Variants in ATP13A5 observed in about 807,000 individuals in gnomAD.
The protein encoded by ATP13A5 is ATPase 13A5.
ATP13A5 carries 149 observed loss-of-function variants against 150.2 expected under a neutral mutation model. The ratio of observed to expected loss-of-function variants is 0.99; its 90% confidence interval spans 0.87 to 1.14. The LOEUF (loss-of-function observed/expected upper bound fraction) is 1.14, where lower values mean the gene tolerates loss of function less well. Among genes scored for constraint, ATP13A5 ranks in the 50% most tolerant of loss-of-function variants. The pLI, the probability that ATP13A5 is intolerant of heterozygous loss-of-function variation, is 0.00. For missense variants in ATP13A5, 1,383 were observed against 1,449.3 expected (o/e 0.95, Z 0.74); for synonymous variants, 497 against 522.2 (o/e 0.95, Z 0.66).
intron 13 of ATP13A5, among the ~76,000 whole-genome samples, chr3:193,325,754 TTTTCTC>T (rs1357641705): frequency 1.3e-5 from 2 of 152,222 alleles, no homozygotes; most frequent in African/African-American, 4.8e-5. Context: ...TAAAGCCTGT[TTTTCTC>T]TTTGATAATA....
intron 9 of ATP13A5, among the ~76,000 whole-genome samples, chr3:193,338,612 A>C (rs1242956522): frequency 6.6e-6 from 1 of 152,036 alleles, no homozygotes; most frequent in Admixed American, 6.6e-5. Flanking sequence ...AAGCTTTTTG[A>C]TGTGCTGCTG....
chr3:193,367,572 A>G (rs940317143), intron 1 of ATP13A5, among the ~76,000 whole-genome samples: 3 of 152,156 alleles, frequency 2.0e-5, no homozygotes, highest in Admixed American at 6.5e-5. Context: ...CATAGATAAA[A>G]TAATTCTAAA....
intron 5 of ATP13A5, among the ~76,000 whole-genome samples, chr3:193,358,330 C>A (rs1038400912): frequency 6.6e-6 from 1 of 152,184 alleles, no homozygotes; most frequent in Non-Finnish European, 1.5e-5. Flanking sequence ...CCCTAACACT[C>A]TTGTTTTATA....
intron 1 of ATP13A5, among the ~76,000 whole-genome samples, chr3:193,366,614 T>A (rs546387313): frequency 4.6e-5 from 7 of 151,918 alleles, no homozygotes; most frequent in Admixed American, 3.9e-4. Flanking sequence ...TAAAGAAAAA[T>A]TGATAGAATT....
At chr3:193,301,952 T>TAA (rs1560121512) in intron 23 of ATP13A5, among the ~76,000 whole-genome samples, 1 of 152,130 alleles carries the variant, frequency 6.6e-6, no homozygotes, top group African/African-American at 2.4e-5. Flanking sequence ...ATTTCTCCTT[T>TAA]AAAAAAATTC....
chr3:193,298,252 A>G (rs1718251867), intron 25 of ATP13A5, among the ~76,000 whole-genome samples: 1 of 152,120 alleles, frequency 6.6e-6, no homozygotes, highest in Non-Finnish European at 1.5e-5. Context: ...AGTGCTGTAG[A>G]AGCAATTTCA....
intron 1 of ATP13A5, among the ~76,000 whole-genome samples, chr3:193,369,850 G>A (rs997426495): frequency 2.6e-5 from 4 of 152,138 alleles, no homozygotes; most frequent in African/African-American, 4.8e-5. Flanking sequence ...AAAACAATGC[G>A]GCTTAAAGAG....
chr3:193,351,105 C>G lies in ATP13A5; in HGVS notation c.703G>C (p.Val235Leu), dbSNP rs749532167. Residue 235 changes from valine (V) to leucine (L), a missense_variant, in exon 7 of 30, where the codon GTT (valine) becomes CTT (leucine). Val to Leu is a conservative substitution (Grantham distance 32). Transcript: ENST00000342358. Reference sequence around the variant, plus strand: ...TACACACTTAAGACAATGGAGATAACAGTCAAAATGATGATGGCCACAGAG... The same window carrying G: ...TACACACTTAAGACAATGGAGATAAGAGTCAAAATGATGATGGCCACAGAG... ...EYSVAIIILT[V>L]ISIVLSVYDL... 1 of 1,613,546 alleles carries G rather than the reference C, an allele frequency of 6.2e-7. No individual in the cohort carries two copies. The highest frequency in any genetic ancestry group is 8.5e-7 in the Non-Finnish European group (1 of 1,179,722).
Position 193,284,925 on chromosome 3 carries a change from A to C in ATP13A5, c.3215T>G (p.Ile1072Ser). 1.2e-6 allele frequency: 2 copies of C among 1,613,138 alleles called. No homozygotes were observed. Among genetic ancestry groups the C allele is most frequent in the Non-Finnish European group, 1.7e-6 (2 of 1,179,390 alleles). ...CTTTATATACTTACAGTTTGTATAG[A>C]TGGGTTTTCGAAATGGCTTTCCCTT... ...FSKGKPFRKP[I>S]YTNYIFSFLL... The change falls in exon 27 of 30, where the codon ATC becomes AGC. Residue 1072 changes from isoleucine to serine, a missense_variant. By Grantham distance (142) the Ile-to-Ser change is moderately radical. Around this residue, in one of 3 missense-constraint regions of ATP13A5, gnomAD observed 568 missense variants for 621.5 expected, o/e 0.91. Coordinates refer to ENST00000342358, the MANE Select transcript of ATP13A5 (RefSeq NM_198505.4).
intron 7 of ATP13A5, among the ~76,000 whole-genome samples, chr3:193,346,074 A>G (rs1712324592): frequency 6.6e-6 from 1 of 152,106 alleles, no homozygotes; most frequent in African/African-American, 2.4e-5. Flanking sequence ...ACTGCTTATG[A>G]GTTATTTAGC....
At chr3:193,344,693 T>A (rs1712262368) in intron 8 of ATP13A5, among the ~76,000 whole-genome samples, 2 of 152,114 alleles carry the variant, frequency 1.3e-5, no homozygotes, top group South Asian at 4.2e-4. Context: ...GAGAGGGAAT[T>A]TGAAGGAACC....
intron 26 of ATP13A5, among the ~76,000 whole-genome samples, chr3:193,288,176 G>A (rs1313031184): frequency 1.3e-5 from 2 of 152,168 alleles, no homozygotes; most frequent in Non-Finnish European, 1.5e-5. Flanking sequence ...TGTAAGCATT[G>A]TTGAAATGAA....
At chr3:193,334,011 C>A in intron 10 of ATP13A5, 104 bp from the exon 11 acceptor site, 1 of 999,026 alleles carries the variant, frequency 1.0e-6, no homozygotes, top group Non-Finnish European at 1.5e-6. Context: ...TGTCCTCTAA[C>A]CTTCTACCTA....
At chr3:193,369,872 G>A (rs560747632) in intron 1 of ATP13A5, among the ~76,000 whole-genome samples, 1 of 152,304 alleles carries the variant, frequency 6.6e-6, no homozygotes, top group African/African-American at 2.4e-5. Flanking sequence ...GGTGTAAGGT[G>A]TTGAGAGAAA....
rs1427846107 is a variant in ATP13A5, at chr3:193,333,866, A to G, written c.1156T>C (p.Tyr386His). The change falls in exon 11 of 30, where the codon TAC becomes CAC. Residue 386 changes from tyrosine to histidine, a missense_variant. Tyr to His is a moderately conservative substitution (Grantham distance 83). Coordinates refer to ENST00000342358, the MANE Select transcript of ATP13A5 (RefSeq NM_198505.4). The stretch of plus-strand genomic sequence containing the variant: ...AGTTTGAAGTTCAGAGGCCGGGGGT[A>G]CAGGATGGATCTCACTAAGTCCCCT... ...AKGDLVRSILYPRPLNFKLYS... is the reference protein window; with the variant it reads ...AKGDLVRSILHPRPLNFKLYS... 1 of 1,613,932 alleles carries G rather than the reference A, an allele frequency of 6.2e-7. No homozygotes were observed. The highest frequency in any genetic ancestry group is 8.5e-7 in the Non-Finnish European group (1 of 1,179,862).
chr3:193,371,100 T>C (rs929588569), intron 1 of ATP13A5, among the ~76,000 whole-genome samples: 2 of 152,166 alleles, frequency 1.3e-5, no homozygotes, highest in African/African-American at 4.8e-5. Context: ...GGTCAAAAGA[T>C]GATGAGATGC....
chr3:193,339,160 T>G (rs1015408414), intron 9 of ATP13A5, among the ~76,000 whole-genome samples: 4 of 152,162 alleles, frequency 2.6e-5, no homozygotes, highest in Non-Finnish European at 5.9e-5. Context: ...AGTCTATCAA[T>G]TTTGTTGATC....
chr3:193,314,323 T>C, intron 18 of ATP13A5, 130 bp from the exon 19 acceptor site: 1 of 1,000,928 alleles, frequency 1.0e-6, no homozygotes, highest in Non-Finnish European at 1.5e-6. Flanking sequence ...TATTTTATCT[T>C]CCTCTCTGCT....
At chr3:193,288,445 A>G (rs773911003) in intron 26 of ATP13A5, among the ~76,000 whole-genome samples, 2 of 152,138 alleles carry the variant, frequency 1.3e-5, no homozygotes, top group Non-Finnish European at 1.5e-5. Flanking sequence ...GCTCAGCTTG[A>G]GGTAAAGGCT....
Sources: gnomAD v4.1 joint callset for allele counts (sites outside exome capture counted in the v4.1 genomes callset) on GRCh38, gnomAD v4.1.1 for gene constraint, gnomAD v4.1.1 regional missense constraint, MANE v1.5 for transcripts, NCBI Gene and HGNC (gene_info 2026-07-23, HGNC 2026-07-21) for gene names.